ADAT1: variants seen among roughly 807,000 people sequenced by gnomAD.
ADAT1 encodes the protein adenosine deaminase tRNA specific 1, also known as tRNA-specific adenosine deaminase 1.
Under a neutral mutation model 58.6 loss-of-function variants are expected in ADAT1, and 58 were observed. That is an observed-to-expected ratio of 0.99 (90% confidence interval 0.80 to 1.23). The LOEUF (loss-of-function observed/expected upper bound fraction) is 1.23, where lower values mean the gene tolerates loss of function less well. ADAT1 is among the 50% of genes most tolerant of loss of function. The probability of loss-of-function intolerance (pLI) is 0.00; values close to 1 mark genes in which losing one functional copy is unlikely to be tolerated. For synonymous variants in ADAT1, 254 were observed against 220.8 expected (o/e 1.15, Z -1.33); for missense variants, 741 against 608.6 (o/e 1.22, Z -2.29).
chr16:75,618,166 T>C (rs2081801146), intron 4 of ADAT1, among the ~76,000 whole-genome samples: 1 of 148,892 alleles, frequency 6.7e-6, no homozygotes, highest in Non-Finnish European at 1.5e-5. Context: ...CTCAAAAGTG[T>C]AGTTTACAGA....
intron 9 of ADAT1, among the ~76,000 whole-genome samples, chr16:75,601,050 AGTTTTCT>A (rs2081216249): frequency 6.6e-6 from 1 of 152,120 alleles, no homozygotes; most frequent in African/African-American, 2.4e-5. Context: ...TTGGTTTAAA[AGTTTTCT>A]AGGCCAGGCA....
In ADAT1 at chr16:75,608,338, G is replaced by T. The variant is rs1228578621; in HGVS notation, c.1190-15C>A. On this transcript the variant is annotated splice_polypyrimidine_tract_variant and intron_variant, in intron 7 of 9. Coordinates refer to ENST00000564657, the MANE Select transcript of ADAT1 (RefSeq NM_001324445.2). ...CCAGCTGATGGCTATGAAAAGATAA[G>T]ATTCTAGGGTTAAAACTGCTCAATT... 6.2e-7 allele frequency: 1 copy of T among 1,606,414 alleles called. No individual in the cohort carries two copies. The highest frequency in any genetic ancestry group is 1.1e-5 in the South Asian group (1 of 90,882).
chr16:75,619,537 ACC>A (rs2081859965), intron 3 of ADAT1: 2 of 424,904 alleles, frequency 4.7e-6, no homozygotes, highest in South Asian at 1.7e-5. Context: ...AAAAAAAAAA[ACC>A]ACTGAAACAG....
rs142169277 is a variant in ADAT1 at position 75,608,110 on chromosome 16, T to C, written c.1289+114A>G. On this transcript the variant is annotated intron_variant, in intron 8 of 9. Coordinates refer to ENST00000564657, the MANE Select transcript of ADAT1 (RefSeq NM_001324445.2). ...GATGAGGAGAGGGAGGGATAGGTAG[T>C]GACTGCTAATGGGTATGGTTGTTCT... 388 of 809,594 alleles carry C rather than the reference T, an allele frequency of 4.8e-4. No individual in the cohort carries two copies. In the African/African-American group the frequency reaches 5.9e-3, roughly 12 times the overall value. 50.2% of individuals were successfully genotyped at this position (809,594 alleles called of 1,614,324 possible).
chr16:75,609,139 A>G (rs1198213094), intron 6 of ADAT1, 151 bp from the exon 7 acceptor site: 3 of 908,818 alleles, frequency 3.3e-6, no homozygotes, highest in Non-Finnish European at 4.9e-6. Flanking sequence ...TAGAATCAAG[A>G]TTGTAAGCAC....
At chr16:75,601,398 C>G (rs545447750) in intron 9 of ADAT1, among the ~76,000 whole-genome samples, 17 of 151,852 alleles carry the variant, frequency 1.1e-4, no homozygotes, top group Admixed American at 1.1e-3. Context: ...AAACCAGGCT[C>G]TTGGTCACAT....
At chr16:75,614,708 G>A (rs527327280) in intron 5 of ADAT1, among the ~76,000 whole-genome samples, 2 of 152,248 alleles carry the variant, frequency 1.3e-5, no homozygotes, top group South Asian at 4.1e-4. Flanking sequence ...AAACTCATAA[G>A]AGCCTGAAGT....
intron 9 of ADAT1, 37 bp from the exon 10 acceptor site, chr16:75,600,385 T>G: frequency 9.3e-6 from 15 of 1,609,422 alleles, no homozygotes; most frequent in Non-Finnish European, 1.2e-5. Context: ...CAGGTTCTCA[T>G]TGAATAGCCC....
intron 9 of ADAT1, among the ~76,000 whole-genome samples, chr16:75,602,485 G>A (rs1167752028): frequency 6.6e-6 from 1 of 152,216 alleles, no homozygotes; most frequent in Non-Finnish European, 1.5e-5. Flanking sequence ...GTGAAGGGGA[G>A]TGGAGACACT....
chr16:75,618,510 A>AC (rs1567484318), intron 4 of ADAT1, 76 bp downstream of exon 4: 1 of 281,918 alleles, frequency 3.5e-6, no homozygotes, highest in African/African-American at 2.2e-5. Context: ...TGTCCCCCCC[A>AC]AAAAAAAAAA....
In ADAT1 at chr16:75,599,432, A is replaced by T; in HGVS notation, c.*784T>A. On this transcript the variant is annotated 3_prime_UTR_variant, in exon 10 of 10. Transcript: ENST00000564657. ...CTTTCAATTGTAAGTCAGAAAACCA[A>T]CACAAACAGGCTTAATCAAAATAAC... 1 of 985,880 alleles carries T rather than the reference A, an allele frequency of 1.0e-6. No homozygotes were observed. 61.1% of individuals were successfully genotyped at this position (985,880 alleles called of 1,614,324 possible).
intron 8 of ADAT1, 56 bp from the exon 9 acceptor site, chr16:75,603,227 C>G: frequency 6.8e-7 from 1 of 1,478,536 alleles, no homozygotes; most frequent in Non-Finnish European, 9.4e-7. Flanking sequence ...TGTTCTAAGC[C>G]CCTATCAAAG....
In ADAT1 at chr16:75,608,526, A is replaced by C; in HGVS notation, c.1190-203T>G. 5.1e-6 allele frequency: 3 copies of C among 582,952 alleles called. No individual in the cohort carries two copies. The South Asian group carries it at 6.7e-5, about 13-fold the overall frequency. 36.1% of individuals were successfully genotyped at this position (582,952 alleles called of 1,614,324 possible). On this transcript the variant is annotated intron_variant, in intron 7 of 9. Coordinates refer to ENST00000564657, the MANE Select transcript of ADAT1 (RefSeq NM_001324445.2). ...ATTCATTATTATTATGATAGCTAAC[A>C]ATCACTGAGCATTTATTATTTGCTG...
rs1033951172 is a variant in ADAT1 at position 75,616,072 on chromosome 16, A to G, written c.424+1070T>C. On this transcript the variant is annotated intron_variant, in intron 5 of 9. Coordinates refer to ENST00000564657, the MANE Select transcript of ADAT1 (RefSeq NM_001324445.2). ...CATCCAGGCTGGAGTGCAACGGCGC[A>G]ATCTCGGCTCACTGCAACTTCTGCC... Among the ~76,000 whole-genome samples the G allele has an allele frequency of 3.8e-4, 57 of 150,528 alleles. 1 individual carries two copies. Among genetic ancestry groups the G allele is most frequent in the Admixed American group, 2.7e-4 (4 of 15,074 alleles).
chr16:75,603,093 G>C lies in ADAT1; in HGVS notation c.1368C>G (p.His456Gln), dbSNP rs768598318. The C allele has an allele frequency of 3.7e-6, 6 of 1,613,836 alleles. No homozygotes were observed. Among genetic ancestry groups the C allele is most frequent in the Non-Finnish European group, 5.1e-6 (6 of 1,179,698 alleles). The change falls in exon 9 of 10, where the codon CAC (histidine) becomes CAG (glutamine). Residue 456 changes from histidine (H) to glutamine (Q), a missense_variant. His to Gln is a conservative substitution (Grantham distance 24). Coordinates refer to ENST00000564657, the MANE Select transcript of ADAT1 (RefSeq NM_001324445.2). ...TAGGTCAACAGCATCACCTGAGGGA[G>C]TGTGGCCACTTGTCCCTTGCAATTC... ...LSRIARDKWP[H>Q]SLRVQKLDTY...
chr16:75,608,469 C>T (rs1410548971), intron 7 of ADAT1, 146 bp from the exon 8 acceptor site: 2 of 670,128 alleles, frequency 3.0e-6, no homozygotes, highest in Non-Finnish European at 5.1e-6. Flanking sequence ...GGATGCTTGG[C>T]CTCCAGGGTA....
intron 6 of ADAT1, among the ~76,000 whole-genome samples, chr16:75,610,278 T>C (rs1056984610): frequency 6.6e-6 from 1 of 152,192 alleles, no homozygotes; most frequent in African/African-American, 2.4e-5. Context: ...ATGTACAGGT[T>C]TTTGTTATAT....
intron 7 of ADAT1, 138 bp downstream of exon 7, chr16:75,608,705 T>C (rs1322173322): frequency 2.9e-6 from 3 of 1,029,526 alleles, no homozygotes; most frequent in East Asian, 2.6e-5. Context: ...TGACCCACTA[T>C]GGGTGTCTCT....
chr16:75,619,606 G>C (rs750619799), intron 3 of ADAT1: 1 of 455,224 alleles, frequency 2.2e-6, no homozygotes, highest in South Asian at 1.5e-5. Context: ...GAGGCCCAAA[G>C]CTTCCTGTCA....
Sources: allele counts gnomAD v4.1 joint callset (sites outside exome capture counted in the v4.1 genomes callset), GRCh38; gene constraint gnomAD v4.1.1; transcripts MANE v1.5; gene names NCBI Gene and HGNC (gene_info 2026-07-23, HGNC 2026-07-21).